PLEKHD1: variants seen among roughly 807,000 people sequenced by gnomAD.
PLEKHD1 encodes pleckstrin homology and coiled-coil domain containing D1.
PLEKHD1 carries 51 observed loss-of-function variants against 69.2 expected under a neutral mutation model. The observed-to-expected ratio is 0.74, with a 90% CI of 0.59 to 0.93. PLEKHD1 has a LOEUF of 0.93. PLEKHD1 is among the 40% of genes least tolerant of loss of function. The pLI, the probability that PLEKHD1 is intolerant of heterozygous loss-of-function variation, is 0.00. For missense variants in PLEKHD1, 584 were observed against 641.0 expected (o/e 0.91, Z 0.96); for synonymous variants, 236 against 244.7 (o/e 0.96, Z 0.33).
At chr14:69,502,943 G>T in intron 6 of PLEKHD1, 64 bp downstream of exon 6, 2 of 1,533,334 alleles carry the variant, frequency 1.3e-6, no homozygotes, top group Non-Finnish European at 8.8e-7. Context: ...TAGCACTAGG[G>T]AATGATGCAG....
chr14:69,474,530 A>G, the PLEKHD1 span, among the ~76,000 whole-genome samples: 4 of 152,208 alleles, frequency 2.6e-5, no homozygotes, highest in Admixed American at 6.5e-5. Context: ...CCACCTTTTT[A>G]GGTCAAACCA....
At chr14:69,476,024 G>A in the PLEKHD1 span, among the ~76,000 whole-genome samples, 1 of 152,272 alleles carries the variant, frequency 6.6e-6, no homozygotes, top group South Asian at 2.1e-4. Flanking sequence ...TTGGGGAGCC[G>A]AGGCAGGTGG....
At chr14:69,503,779 G>T (rs946511303) in intron 6 of PLEKHD1, 1 of 149,370 alleles carries the variant, frequency 6.7e-6, no homozygotes, top group African/African-American at 2.5e-5. Flanking sequence ...CAGGAGAATC[G>T]CTTGAACCCG....
chr14:69,525,354 A>C (rs1883619609), intron 8 of PLEKHD1, among the ~76,000 whole-genome samples: 1 of 152,004 alleles, frequency 6.6e-6, no homozygotes. Flanking sequence ...GCCTTTATTC[A>C]TTTATCTTTC....
At chr14:69,472,013 G>A in the PLEKHD1 span, among the ~76,000 whole-genome samples, 1 of 152,140 alleles carries the variant, frequency 6.6e-6, no homozygotes, top group Non-Finnish European at 1.5e-5. Context: ...TTTTTACACA[G>A]TCACACACAA....
intron 1 of PLEKHD1, among the ~76,000 whole-genome samples, chr14:69,497,049 C>A (rs1404539679): frequency 2.0e-5 from 3 of 152,110 alleles, no homozygotes; most frequent in East Asian, 1.9e-4. Flanking sequence ...GAGATGGTGG[C>A]CCTGGAGACA....
At position 69,527,194 on chromosome 14, in the gene PLEKHD1, G is replaced by A. The variant is rs1280456698; in HGVS notation, c.1063G>A (p.Val355Met). 1 of 1,545,978 alleles carries A rather than the reference G, an allele frequency of 6.5e-7. No individual in the cohort carries two copies. Among genetic ancestry groups the A allele is most frequent in the Non-Finnish European group, 8.7e-7 (1 of 1,144,712 alleles). Residue 355 changes from valine (V) to methionine (M), a missense_variant, in exon 11 of 13, where the codon GTG (valine) becomes ATG (methionine). Transcript: ENST00000322564. ...TCCCTCTCCTCAACCTCAGGCTGAG[G>A]TGAAGGTCCGCATGGACCTGGAGAG... Reference protein sequence around the residue: ...QQAERELKAEVKVRMDLERRL... With the variant: ...QQAERELKAEMKVRMDLERRL...
At chr14:69,488,055 G>A (rs913367397) in intron 1 of PLEKHD1, among the ~76,000 whole-genome samples, 1 of 152,144 alleles carries the variant, frequency 6.6e-6, no homozygotes, top group African/African-American at 2.4e-5. Context: ...CTCCCCAGGG[G>A]CAGGGTAGCC....
At chr14:69,511,562 T>C (rs1883272816) in intron 6 of PLEKHD1, among the ~76,000 whole-genome samples, 1 of 152,158 alleles carries the variant, frequency 6.6e-6, no homozygotes, top group South Asian at 2.1e-4. Flanking sequence ...TTTTTTTTCT[T>C]TTTTTGAGAC....
At position 69,500,568 on chromosome 14, in the gene PLEKHD1, C is replaced by G. The variant is rs1201078790; in HGVS notation, c.244-9C>G. 2 of 1,544,976 alleles carry G rather than the reference C, an allele frequency of 1.3e-6. No individual in the cohort carries two copies. The highest frequency in any genetic ancestry group is 2.7e-5 in the African/African-American group (2 of 72,890). Reference sequence around the variant, plus strand: ...GGGGTGGGGGCTGCCTGTTCTGGTTCTTCCTCAGGGCGTCATCCCTCTGGG... The same window carrying G: ...GGGGTGGGGGCTGCCTGTTCTGGTTGTTCCTCAGGGCGTCATCCCTCTGGG... On this transcript the variant is annotated splice_polypyrimidine_tract_variant and intron_variant, in intron 2 of 12. Coordinates refer to ENST00000322564, the MANE Select transcript of PLEKHD1 (RefSeq NM_001161498.2).
At chr14:69,479,586 C>T in the PLEKHD1 span, among the ~76,000 whole-genome samples, 5 of 152,010 alleles carry the variant, frequency 3.3e-5, no homozygotes, top group African/African-American at 7.3e-5. Flanking sequence ...GCAGGAGGAT[C>T]GCTTGAGCCT....
chr14:69,481,903 G>T (rs138992818), upstream of PLEKHD1, among the ~76,000 whole-genome samples: 31 of 152,270 alleles, frequency 2.0e-4, no homozygotes, highest in African/African-American at 6.5e-4. Flanking sequence ...TTGGCACCTG[G>T]CTTGTTCTGT....
At chr14:69,472,607 C>A in the PLEKHD1 span, among the ~76,000 whole-genome samples, 1 of 152,214 alleles carries the variant, frequency 6.6e-6, no homozygotes, top group Non-Finnish European at 1.5e-5. Flanking sequence ...TATTTTTACT[C>A]CACCTTTTTC....
At chr14:69,501,913 TGA>T (rs1883035241) in intron 5 of PLEKHD1, 88 bp downstream of exon 5, 1 of 1,208,434 alleles carries the variant, frequency 8.3e-7, no homozygotes, top group Non-Finnish European at 1.2e-6. Context: ...GCAGCAGGGA[TGA>T]GGGTCTCTCA....
intron 6 of PLEKHD1, among the ~76,000 whole-genome samples, chr14:69,513,597 T>C (rs1176148829): frequency 6.6e-6 from 1 of 152,226 alleles, no homozygotes; most frequent in Non-Finnish European, 1.5e-5. Context: ...TAAGCTAAGT[T>C]ACAGTTCATC....
chr14:69,523,766 C>T, intron 7 of PLEKHD1, among the ~76,000 whole-genome samples: 1 of 152,036 alleles, frequency 6.6e-6, no homozygotes, highest in Non-Finnish European at 1.5e-5. Context: ...AAAGACTTTC[C>T]AAGTAGGATG....
chr14:69,494,175 TA>T lies in PLEKHD1; in HGVS notation c.150-5939del, dbSNP rs529489268. 2.4e-3 allele frequency among the ~76,000 whole-genome samples: 368 copies of T among 152,356 alleles called. 3 individuals are homozygous for T. The highest frequency in any genetic ancestry group is 0.01 in the Middle Eastern group (3 of 294). ...TATTTACCACCATGTTCTAAGTCTT[TA>T]GGGGAACATTATCCTGACAGCTCTA... On this transcript the variant is annotated intron_variant, in intron 1 of 12. Coordinates refer to ENST00000322564, the MANE Select transcript of PLEKHD1 (RefSeq NM_001161498.2).
chr14:69,524,269 C>T lies in PLEKHD1; in HGVS notation c.691C>T (p.Gln231Ter). Reference sequence around the variant, plus strand: ...TGCAAGATGCCTTAAGGGTGTAGAACAAGAGAAAAAGGAACTGAGGCACCT... The same window carrying T: ...TGCAAGATGCCTTAAGGGTGTAGAATAAGAGAAAAAGGAACTGAGGCACCT... Reference protein sequence around the residue: ...LTARCLKGVEQEKKELRHLTE... With the variant: ...LTARCLKGVE Residue 231 changes from glutamine to a stop codon, truncating the protein, a stop_gained, in exon 8 of 13, where the codon CAA (glutamine) becomes TAA (stop). Transcript: ENST00000322564. LOFTEE classifies it high-confidence loss of function. 2 of 1,551,632 alleles carry T rather than the reference C, an allele frequency of 1.3e-6. No homozygotes were observed. The highest frequency in any genetic ancestry group is 1.2e-5 in the South Asian group (1 of 84,062).
chr14:69,499,139 G>GGAAGA (rs1882962935), intron 1 of PLEKHD1, among the ~76,000 whole-genome samples: 1 of 151,922 alleles, frequency 6.6e-6, no homozygotes, highest in African/African-American at 2.4e-5. Context: ...TGCAGAGCAG[G>GGAAGA]GAAGAGATTG....
Sources: allele counts gnomAD v4.1 joint callset (sites outside exome capture counted in the v4.1 genomes callset), GRCh38; gene constraint gnomAD v4.1.1; transcripts MANE v1.5; gene names NCBI Gene and HGNC (gene_info 2026-07-23, HGNC 2026-07-21).